C7: variants seen among roughly 807,000 people sequenced by gnomAD.
C7 encodes the protein complement C7.
A neutral mutation model predicts 104.8 loss-of-function variants in C7; 83 were observed. The observed-to-expected ratio is 0.79, with a 90% CI of 0.66 to 0.95. The LOEUF is 0.95. C7 is among the 40% of genes least tolerant of loss of function. The pLI is 0.00. For missense variants in C7, 1,070 were observed against 1,011.2 expected, an observed-to-expected ratio of 1.06 and a Z score of -0.79; for synonymous variants, 415 against 360.6, an observed-to-expected ratio of 1.15 and a Z score of -1.71.
rs537752428 is a variant in C7 at position 40,960,227 on chromosome 5, A to G, written c.1661+607A>G. On this transcript the variant is annotated intron_variant, in intron 12 of 17. Coordinates refer to ENST00000313164, the MANE Select transcript of C7 (RefSeq NM_000587.4). ...AGTTGATGAATCATAGCCCTGGGTC[A>G]GAATTCTTTATGCCACACCCTACTG... Among the ~76,000 whole-genome samples the G allele has an allele frequency of 1.1e-4, 17 of 152,350 alleles. No individual in the cohort carries two copies. The South Asian group carries it at 1.2e-3, about 11-fold the overall frequency.
chr5:40,979,644 C>G, intron 16 of C7, 81 bp from the exon 17 acceptor site: 5 of 1,167,304 alleles, frequency 4.3e-6, no homozygotes, highest in Admixed American at 4.7e-5. Context: ...GCACTAAGCT[C>G]AGAGCATCAC....
intron 1 of C7, among the ~76,000 whole-genome samples, chr5:40,926,253 T>C (rs1258964677): frequency 6.6e-6 from 1 of 152,120 alleles, no homozygotes; most frequent in Non-Finnish European, 1.5e-5. Context: ...AGAAGAAAAG[T>C]AACTTGACAC....
chr5:40,954,334 A>T (rs1579861268), intron 9 of C7, among the ~76,000 whole-genome samples: 1 of 152,162 alleles, frequency 6.6e-6, no homozygotes, highest in Non-Finnish European at 1.5e-5. Flanking sequence ...ATATATGTAC[A>T]TATAATATTG....
chr5:40,948,011 A>C (rs950630059), intron 8 of C7, among the ~76,000 whole-genome samples, 166 bp downstream of exon 8: 1 of 152,222 alleles, frequency 6.6e-6, no homozygotes, highest in Non-Finnish European at 1.5e-5. Flanking sequence ...TTAAAATCTT[A>C]TATGGTTTAA....
At chr5:40,921,512 A>T (rs183342854) in intron 1 of C7, among the ~76,000 whole-genome samples, 1 of 152,280 alleles carries the variant, frequency 6.6e-6, no homozygotes. Flanking sequence ...TCTGAATAAT[A>T]ACAGTGCTGG....
At chr5:40,972,162 T>C (rs1287086819) in intron 14 of C7, 1 of 557,748 alleles carries the variant, frequency 1.8e-6, no homozygotes, top group Admixed American at 3.0e-5. Flanking sequence ...GTTGTCACAT[T>C]GTTTTGAGGG....
intron 1 of C7, among the ~76,000 whole-genome samples, chr5:40,915,647 T>C (rs910220649): frequency 6.6e-6 from 1 of 152,158 alleles, no homozygotes; most frequent in Non-Finnish European, 1.5e-5. Context: ...ATCCACATGT[T>C]TGTTGAAGTC....
intron 11 of C7, among the ~76,000 whole-genome samples, chr5:40,958,785 A>T (rs564688027): frequency 2.6e-5 from 4 of 152,186 alleles, no homozygotes; most frequent in South Asian, 2.1e-4. Flanking sequence ...ACTACAATCT[A>T]TATACTTTTG....
At chr5:40,950,373 G>A (rs1901166) in intron 9 of C7, among the ~76,000 whole-genome samples, 79,462 of 151,990 alleles carry the variant, frequency 0.52, 21,812 homozygotes, top group Middle Eastern at 0.64. Flanking sequence ...TCCCTGCAAA[G>A]GACATGATCT....
intron 6 of C7, among the ~76,000 whole-genome samples, chr5:40,942,768 CTTTT>C (rs530693111): frequency 7.2e-6 from 1 of 138,754 alleles, no homozygotes; most frequent in Non-Finnish European, 1.6e-5. Context: ...TTCTTTCTTT[CTTTT>C]TTTTTTTTTT....
intron 3 of C7, among the ~76,000 whole-genome samples, chr5:40,933,123 T>C (rs1335508053): frequency 2.0e-5 from 3 of 152,272 alleles, no homozygotes; most frequent in Middle Eastern, 3.4e-3. Context: ...TCCCCACTCA[T>C]ATTCCTCTGT....
At chr5:40,952,989 G>T (rs1740206784) in intron 9 of C7, among the ~76,000 whole-genome samples, 1 of 151,926 alleles carries the variant, frequency 6.6e-6, no homozygotes, top group Non-Finnish European at 1.5e-5. Context: ...TGATTCCAAA[G>T]GTTACTCATT....
chr5:40,913,568 C>T (rs955877841), intron 1 of C7, among the ~76,000 whole-genome samples: 1 of 152,154 alleles, frequency 6.6e-6, no homozygotes, highest in East Asian at 1.9e-4. Context: ...AATCATAGCT[C>T]ACTGCACCTT....
chr5:40,979,675 C>A, intron 16 of C7, 50 bp from the exon 17 acceptor site: 1 of 1,510,702 alleles, frequency 6.6e-7, no homozygotes, highest in Non-Finnish European at 9.0e-7. Flanking sequence ...TCCTTCTCAG[C>A]TTTTACGAAC....
intron 2 of C7, among the ~76,000 whole-genome samples, chr5:40,930,674 T>C (rs1285847699): frequency 6.6e-6 from 1 of 152,058 alleles, no homozygotes; most frequent in Non-Finnish European, 1.5e-5. Context: ...GTGATTCTCC[T>C]GCCTCAGCCT....
intron 13 of C7, 119 bp downstream of exon 13, chr5:40,962,291 A>G: frequency 1.8e-6 from 1 of 553,030 alleles, no homozygotes; most frequent in East Asian, 3.0e-5. Context: ...TTATATATGC[A>G]TTTTAGTTTT....
At chr5:40,965,258 G>A (rs182051551) in intron 14 of C7, among the ~76,000 whole-genome samples, 16 of 152,294 alleles carry the variant, frequency 1.1e-4, no homozygotes, top group Admixed American at 6.5e-4. Context: ...AACAGCATCT[G>A]CATGCTGCAC....
chr5:40,947,607 C>T lies in C7; in HGVS notation c.744C>T (p.Tyr248=). Residue 248 remains tyrosine, a synonymous_variant, in exon 8 of 18, where the codon TAC becomes TAT. Coordinates refer to ENST00000313164, the MANE Select transcript of C7 (RefSeq NM_000587.4). The stretch of plus-strand genomic sequence containing the variant: ...ACTCTTTCTTCTTTCCACAGAGTTA[C>T]CAACTGCTGGTTGTTGAGAACACTG... ...HTNEIHKGKS[Y]QLLVVENTVE... 6.2e-7 allele frequency: 1 copy of T among 1,613,176 alleles called. No individual in the cohort carries two copies. Among genetic ancestry groups the T allele is most frequent in the Non-Finnish European group, 8.5e-7 (1 of 1,179,550 alleles).
At chr5:40,953,436 A>G (rs1468741111) in intron 9 of C7, among the ~76,000 whole-genome samples, 1 of 151,992 alleles carries the variant, frequency 6.6e-6, no homozygotes, top group Non-Finnish European at 1.5e-5. Context: ...AGGTTAAGAG[A>G]TCGAGACCAT....
Sources: allele counts gnomAD v4.1 joint callset (sites outside exome capture counted in the v4.1 genomes callset), GRCh38; gene constraint gnomAD v4.1.1; transcripts MANE v1.5; gene names NCBI Gene and HGNC (gene_info 2026-07-23, HGNC 2026-07-21).